LUC7L3: variants seen among roughly 807,000 people sequenced by gnomAD.
LUC7L3 encodes the protein LUC7 like 3 pre-mRNA splicing factor, also known as luc7-like protein 3.
A neutral mutation model predicts 66.8 loss-of-function variants in LUC7L3; 6 were observed. The ratio of observed to expected loss-of-function variants is 0.09; its 90% CI spans 0.05 to 0.18. The LOEUF (loss-of-function observed/expected upper bound fraction) is 0.18, where lower values mean the gene tolerates loss of function less well. Ranked by LOEUF, LUC7L3 falls within the 10% of genes least tolerant of loss-of-function variation. The pLI, the probability that LUC7L3 is intolerant of heterozygous loss-of-function variation, is 1.00. For synonymous variants in LUC7L3, 160 were observed against 174.7 expected, an observed-to-expected ratio of 0.92 and a Z score of 0.66; for missense variants, 341 against 531.1, an observed-to-expected ratio of 0.64 and a Z score of 3.52.
intron 5 of LUC7L3, 150 bp from the exon 6 acceptor site, chr17:50,743,556 A>G (rs1970484170): frequency 1.4e-5 from 8 of 588,732 alleles, no homozygotes; most frequent in Non-Finnish European, 2.4e-5. Context: ...AAGTATAAAA[A>G]AAATCCAGGA....
At position 50,745,773 on chromosome 17, in the gene LUC7L3, G is replaced by A. The variant is rs138812245; in HGVS notation, c.747G>A (p.Lys249=). ...EEPDRDERLK[K]EKQEREEREK... is the part of the protein sequence containing the mutation. ...CTGATCGTGATGAGCGTCTAAAAAA[G>A]GAGAAGCAAGAAAGAGAAGAAAGAG... The change falls in exon 8 of 10, where the codon AAG becomes AAA. Residue 249 remains lysine (K), a synonymous_variant. Transcript: ENST00000505658. 5.1e-5 allele frequency: 82 copies of A among 1,597,450 alleles called. No homozygotes were observed. In the African/African-American group the frequency reaches 1.1e-3, roughly 21 times the overall value.
At chr17:50,735,712 G>A (rs1597914132) in intron 1 of LUC7L3, among the ~76,000 whole-genome samples, 1 of 151,908 alleles carries the variant, frequency 6.6e-6, no homozygotes, top group Admixed American at 6.6e-5. Flanking sequence ...TGCCCAAGCC[G>A]GTCTCAAATT....
At position 50,745,772 on chromosome 17, in the gene LUC7L3, A is replaced by G. The variant is rs1174084027; in HGVS notation, c.746A>G (p.Lys249Arg). The G allele has an allele frequency of 1.9e-6, 3 of 1,597,070 alleles. No individual in the cohort carries two copies. Among genetic ancestry groups the G allele is most frequent in the Non-Finnish European group, 2.6e-6 (3 of 1,174,976 alleles). Residue 249 changes from lysine to arginine, a missense_variant, in exon 8 of 10, where the codon AAG becomes AGG. Physicochemically the swap from Lys to Arg is conservative, Grantham distance 26. This residue lies in a region of LUC7L3 where 210 missense variants were observed against 238.1 expected (regional missense o/e 0.88). Transcript: ENST00000505658. ...CCTGATCGTGATGAGCGTCTAAAAA[A>G]GGAGAAGCAAGAAAGAGAAGAAAGA... ...EEPDRDERLK[K>R]EKQEREEREK...
intron 1 of LUC7L3, among the ~76,000 whole-genome samples, chr17:50,731,127 G>C (rs951091506): frequency 1.3e-5 from 2 of 152,146 alleles, no homozygotes; most frequent in Admixed American, 1.3e-4. Flanking sequence ...TCCAAAACTT[G>C]AGCAGTTCTC....
At chr17:50,748,668 A>G (rs564179121) in intron 9 of LUC7L3, among the ~76,000 whole-genome samples, 15 of 152,114 alleles carry the variant, frequency 9.9e-5, no homozygotes, top group South Asian at 2.1e-4. Flanking sequence ...AGTTACGTTT[A>G]GATTAGCAAC....
chr17:50,741,132 T>C lies in LUC7L3; in HGVS notation c.237T>C (p.Val79=). ...AGAAGAGCTCTCGTTTCATGAAAGT[T>C]GGCTATGAGAGAGATTTTTTGCGAT... The part of the protein sequence containing the change: ...QYEKSSRFMK[V]GYERDFLRYL... The change falls in exon 4 of 10, where the codon GTT becomes GTC. Residue 79 remains valine, a synonymous_variant. Coordinates refer to ENST00000505658, the MANE Select transcript of LUC7L3 (RefSeq NM_016424.5). 2 of 1,614,160 alleles carry C rather than the reference T, an allele frequency of 1.2e-6. No homozygotes were observed. The highest frequency in any genetic ancestry group is 1.7e-6 in the Non-Finnish European group (2 of 1,180,004).
intron 1 of LUC7L3, among the ~76,000 whole-genome samples, chr17:50,732,694 T>A (rs1339376879): frequency 1.3e-5 from 2 of 152,108 alleles, no homozygotes; most frequent in Non-Finnish European, 2.9e-5. Flanking sequence ...TCTCCTTTTT[T>A]AATACTATGA....
At chr17:50,740,077 A>G (rs1970248651) in intron 2 of LUC7L3, among the ~76,000 whole-genome samples, 1 of 152,016 alleles carries the variant, frequency 6.6e-6, no homozygotes, top group Non-Finnish European at 1.5e-5. Context: ...TTTTAACCAT[A>G]TATGGTTGCT....
Position 50,751,860 on chromosome 17 carries a change from G to T in LUC7L3, c.*1199G>T, listed in dbSNP as rs1046604859. On this transcript the variant is annotated 3_prime_UTR_variant, in exon 10 of 10. Transcript: ENST00000505658. ...AAAGAAATATTAAAAGTTAGGTACTGTAAGTGTTCTTAAAACCTGTAAACT... is the reference window on the plus strand; with the variant it reads ...AAAGAAATATTAAAAGTTAGGTACTTTAAGTGTTCTTAAAACCTGTAAACT... 1.6e-5 allele frequency: 16 copies of T among 1,014,306 alleles called. No individual in the cohort carries two copies. The highest frequency in any genetic ancestry group is 4.9e-4 in the Middle Eastern group (1 of 2,036). The allele number at this position is 1,014,306 out of a possible 1,614,324, so 62.8% of individuals were successfully genotyped here. A position where few individuals can be genotyped will look rare whatever the true frequency, so the allele number is the denominator to read the frequency against.
chr17:50,735,240 A>AAAG (rs1969898909), intron 1 of LUC7L3, among the ~76,000 whole-genome samples: 3 of 76,090 alleles, frequency 3.9e-5, no homozygotes, highest in African/African-American at 1.1e-4. Flanking sequence ...CAAAAAAAAA[A>AAAG]AAAAAGAAAA....
In LUC7L3 at chr17:50,745,950, C is replaced by G; in HGVS notation, c.924C>G (p.Cys308Trp). 6.2e-7 allele frequency: 1 copy of G among 1,611,958 alleles called. No homozygotes were observed. The highest frequency in any genetic ancestry group is 8.5e-7 in the Non-Finnish European group (1 of 1,179,522). Residue 308 changes from cysteine (C) to tryptophan (W), a missense_variant, in exon 8 of 10, where the codon TGC (cysteine) becomes TGG (tryptophan). Cys to Trp is a radical substitution (Grantham distance 215, BLOSUM62 -2). This residue lies in a region of LUC7L3 where 210 missense variants were observed against 238.1 expected (regional missense o/e 0.88). Transcript: ENST00000505658. The stretch of plus-strand genomic sequence containing the variant: ...CAAGCCGAACATCAGACAGAAGATG[C>G]AGCAGGTCTCGGGACCACAAAAGGT... ...RHSSRTSDRR[C>W]SRSRDHKRSR...
intron 1 of LUC7L3, among the ~76,000 whole-genome samples, chr17:50,730,258 C>T (rs1267681943): frequency 6.6e-6 from 1 of 151,954 alleles, no homozygotes; most frequent in Non-Finnish European, 1.5e-5. Flanking sequence ...AGGCGTGAGC[C>T]ACCACTTCCA....
intron 3 of LUC7L3, 42 bp from the exon 4 acceptor site, chr17:50,741,060 G>T: frequency 6.2e-7 from 1 of 1,604,634 alleles, no homozygotes; most frequent in Non-Finnish European, 8.5e-7. Flanking sequence ...TGTAATGGCT[G>T]AAGATTTGGA....
At chr17:50,732,480 C>T (rs1274699290) in intron 1 of LUC7L3, among the ~76,000 whole-genome samples, 1 of 152,164 alleles carries the variant, frequency 6.6e-6, no homozygotes, top group East Asian at 1.9e-4. Flanking sequence ...CTCCTGGGCT[C>T]CAACGACCCT....
chr17:50,727,781 T>A (rs963575418), intron 1 of LUC7L3, among the ~76,000 whole-genome samples: 14 of 152,076 alleles, frequency 9.2e-5, no homozygotes, highest in Admixed American at 5.2e-4. Context: ...GGTGGGGTAG[T>A]GTAGATAGGT....
chr17:50,728,256 G>T (rs1002117721), intron 1 of LUC7L3, among the ~76,000 whole-genome samples: 1 of 152,154 alleles, frequency 6.6e-6, no homozygotes, highest in Admixed American at 6.6e-5. Context: ...AATTTTACTA[G>T]AAGTTTGTGT....
intron 1 of LUC7L3, among the ~76,000 whole-genome samples, chr17:50,733,245 TTTG>T (rs1051592639): frequency 2.3e-4 from 31 of 137,634 alleles, no homozygotes; most frequent in African/African-American, 8.4e-4. Flanking sequence ...ATAGTAAAAC[TTTG>T]TTTTTTTTTT....
In LUC7L3 at chr17:50,750,363, G is replaced by A. The variant is rs992233447; in HGVS notation, c.1139-138G>A. 21 of 783,390 alleles carry A rather than the reference G, an allele frequency of 2.7e-5. No homozygotes were observed. The East Asian group carries it at 5.4e-4, about 20-fold the overall frequency. 48.5% of individuals were successfully genotyped at this position (783,390 alleles called of 1,614,324 possible). ...ATATATTACAAATTTTATCCCTTTGGTAAATTCACCAAACCGTTGCTTGCA... is the reference window on the plus strand; with the variant it reads ...ATATATTACAAATTTTATCCCTTTGATAAATTCACCAAACCGTTGCTTGCA... On this transcript the variant is annotated intron_variant, in intron 9 of 9. Transcript: ENST00000505658.
In LUC7L3 at chr17:50,719,780, A is replaced by C; in HGVS notation, c.48A>C (p.Arg16=). Residue 16 remains arginine (R), a synonymous_variant, in exon 1 of 10, where the codon CGA becomes CGC. Transcript: ENST00000505658. ...TGGATGAGTTAATGGGCCGGGACCG[A>C]AACCTAGCCCCGGACGAGAAGCGCA... The part of the protein sequence containing the change: ...QLLDELMGRD[R]NLAPDEKRSN... 6.2e-7 allele frequency: 1 copy of C among 1,612,656 alleles called. No homozygotes were observed. Among genetic ancestry groups the C allele is most frequent in the Non-Finnish European group, 8.5e-7 (1 of 1,179,398 alleles).
Sources: allele counts gnomAD v4.1 joint callset (sites outside exome capture counted in the v4.1 genomes callset), GRCh38; gene constraint gnomAD v4.1.1; regional missense constraint gnomAD v4.1.1; transcripts MANE v1.5; gene names NCBI Gene and HGNC (gene_info 2026-07-23, HGNC 2026-07-21).